The following LARS1 variants were observed in gnomAD, a reference collection of about 807,000 sequenced individuals.
LARS1 encodes the protein leucyl-tRNA synthetase 1, also known as leucine--tRNA ligase, cytoplasmic.
Under a neutral mutation model 162.8 loss-of-function variants are expected in LARS1, and 100 were observed. That is an observed-to-expected ratio of 0.61 (90% CI 0.52 to 0.73). The LOEUF is 0.73. LARS1 is among the 30% of genes least tolerant of loss of function. The pLI is 0.00. For synonymous variants in LARS1, 457 were observed against 462.8 expected, an observed-to-expected ratio of 0.99 and a Z score of 0.16; for missense variants, 1,258 against 1,408.9, an observed-to-expected ratio of 0.89 and a Z score of 1.71.
chr5:146,180,681 T>C (rs1360907809), intron 1 of LARS1, among the ~76,000 whole-genome samples: 1 of 152,200 alleles, frequency 6.6e-6, no homozygotes, highest in Non-Finnish European at 1.5e-5. Context: ...GAAAAACTTG[T>C]TTCTCAAAAC....
Position 146,157,746 on chromosome 5 carries a change from G to A in LARS1, c.821C>T (p.Pro274Leu), listed in dbSNP as rs1377767326. The A allele has an allele frequency of 1.9e-6, 3 of 1,614,102 alleles. No individual in the cohort carries two copies. Among genetic ancestry groups the A allele is most frequent in the Non-Finnish European group, 2.5e-6 (3 of 1,179,994 alleles). ...AACCTACCTTAATTTAGATGGGTAT[G>A]GCTCAAGCACCTTCAATTTGAGTAA... ...YTLLKLKVLEPYPSKLSGLKG... is the reference protein window; with the variant it reads ...YTLLKLKVLELYPSKLSGLKG... Residue 274 changes from proline (P) to leucine (L), a missense_variant, in exon 9 of 32, where the codon CCA (proline) becomes CTA (leucine). Physicochemically the swap from Pro to Leu is moderately conservative, Grantham distance 98 (BLOSUM62 -3). Transcript: ENST00000394434.
intron 2 of LARS1, among the ~76,000 whole-genome samples, chr5:146,173,196 C>T (rs1423286097): frequency 6.6e-6 from 1 of 151,816 alleles, no homozygotes; most frequent in Non-Finnish European, 1.5e-5. Context: ...AAAAACTAGC[C>T]GGGCGTGATG....
intron 31 of LARS1, among the ~76,000 whole-genome samples, chr5:146,118,886 A>T (rs1751688057): frequency 1.3e-5 from 2 of 152,230 alleles, no homozygotes; most frequent in African/African-American, 4.8e-5. Flanking sequence ...ATTTTACCAC[A>T]ATTAAAAAAT....
intron 20 of LARS1, 90 bp from the exon 21 acceptor site, chr5:146,140,351 T>G: frequency 1.0e-6 from 1 of 959,608 alleles, no homozygotes; most frequent in Non-Finnish European, 1.7e-6. Context: ...AATAGACTCA[T>G]AAAGGCTTGC....
chr5:146,155,953 G>A (rs1387704321), intron 10 of LARS1, among the ~76,000 whole-genome samples: 1 of 152,174 alleles, frequency 6.6e-6, no homozygotes, highest in African/African-American at 2.4e-5. Flanking sequence ...GTAAATTGTG[G>A]TACAACCAAA....
In LARS1 at chr5:146,137,855, G is replaced by A. The variant is rs939586719; in HGVS notation, c.2149-2191C>T. ...AAATTGAAGGTGTTAGCTGGGCATGGTGGCTCACATCTGCAATCCCAGCAC... is the reference window on the plus strand; with the variant it reads ...AAATTGAAGGTGTTAGCTGGGCATGATGGCTCACATCTGCAATCCCAGCAC... On this transcript the variant is annotated intron_variant, in intron 21 of 31. Coordinates refer to ENST00000394434, the MANE Select transcript of LARS1 (RefSeq NM_020117.11). 2.5e-5 allele frequency: 6 copies of A among 239,172 alleles called. No individual in the cohort carries two copies. In the South Asian group the frequency reaches 2.6e-4, roughly 10 times the overall value. The allele number at this position is 239,172 out of a possible 1,614,324, so 14.8% of individuals were successfully genotyped here. A position where few individuals can be genotyped will look rare whatever the true frequency, so the allele number is the denominator to read the frequency against.
intron 5 of LARS1, among the ~76,000 whole-genome samples, 185 bp from the exon 6 acceptor site, chr5:146,164,656 A>G (rs1028855726): frequency 6.6e-6 from 1 of 152,220 alleles, no homozygotes; most frequent in African/African-American, 2.4e-5. Flanking sequence ...AATAGTACTA[A>G]TTTAGTCTGT....
At chr5:146,145,129 G>C (rs2895650) in intron 15 of LARS1, among the ~76,000 whole-genome samples, 33,847 of 151,944 alleles carry the variant, frequency 0.22, 4,830 homozygotes, top group Admixed American at 0.34. Context: ...CCAGGCTGGA[G>C]CGCAGTGGCA....
chr5:146,162,293 C>A (rs963439306), intron 6 of LARS1, among the ~76,000 whole-genome samples: 3 of 152,154 alleles, frequency 2.0e-5, no homozygotes, highest in African/African-American at 7.2e-5. Flanking sequence ...CAAATGACTC[C>A]TTGATTCATG....
chr5:146,177,593 C>A lies in LARS1; in HGVS notation c.79G>T (p.Glu27Ter). ...GATGCATTGACCTCAAACACTCTCT[C>A]AGTATCCCATTTCTGTTGGATTTCT... ...EKEIQQKWDT[E>*]RVFEVNASNL... Residue 27 changes from glutamate (E) to a stop codon, truncating the protein, a stop_gained, in exon 2 of 32, where the codon GAG becomes TAG. Coordinates refer to ENST00000394434, the MANE Select transcript of LARS1 (RefSeq NM_020117.11). LOFTEE classifies it high-confidence loss of function. The A allele has an allele frequency of 6.2e-7, 1 of 1,604,450 alleles. No individual in the cohort carries two copies. The highest frequency in any genetic ancestry group is 8.5e-7 in the Non-Finnish European group (1 of 1,174,002).
chr5:146,154,578 G>C (rs1020427872), intron 10 of LARS1, among the ~76,000 whole-genome samples: 8 of 152,166 alleles, frequency 5.3e-5, no homozygotes, highest in African/African-American at 7.2e-5. Context: ...AGGAGTTCGC[G>C]ACCAGCCTGG....
At chr5:146,175,540 CA>C (rs869050326) in intron 2 of LARS1, among the ~76,000 whole-genome samples, 21,493 of 64,408 alleles carry the variant, frequency 0.33, 1,622 homozygotes, top group Admixed American at 0.42. Flanking sequence ...GACTCCACCT[CA>C]AAAAAAAAAA....
chr5:146,120,908 G>A (rs1468829761), intron 30 of LARS1, among the ~76,000 whole-genome samples: 26 of 152,060 alleles, frequency 1.7e-4, no homozygotes. Context: ...ATCAGCACAA[G>A]GTCACACAGC....
intron 15 of LARS1, among the ~76,000 whole-genome samples, chr5:146,148,590 A>G (rs1753122052): frequency 6.6e-6 from 1 of 152,228 alleles, no homozygotes; most frequent in Non-Finnish European, 1.5e-5. Flanking sequence ...TTATAACTAC[A>G]GTGTACGGAG....
intron 31 of LARS1, among the ~76,000 whole-genome samples, chr5:146,119,240 A>G (rs1181007228): frequency 6.6e-6 from 1 of 152,176 alleles, no homozygotes; most frequent in East Asian, 1.9e-4. Flanking sequence ...TGGACTCCCC[A>G]AAGCCCCAGT....
chr5:146,169,433 C>T (rs1395080914), intron 4 of LARS1, among the ~76,000 whole-genome samples: 1 of 152,064 alleles, frequency 6.6e-6, no homozygotes, highest in East Asian at 1.9e-4. Flanking sequence ...ATTTCAACCA[C>T]TAATAGAATA....
intron 20 of LARS1, among the ~76,000 whole-genome samples, chr5:146,140,478 G>C (rs1016206161): frequency 3.9e-5 from 6 of 152,162 alleles, no homozygotes; most frequent in African/African-American, 1.4e-4. Flanking sequence ...AACTACTTAG[G>C]TGGGGCTACA....
At chr5:146,170,453 G>C (rs1754209770) in intron 4 of LARS1, among the ~76,000 whole-genome samples, 1 of 148,872 alleles carries the variant, frequency 6.7e-6, no homozygotes, top group African/African-American at 2.5e-5. Context: ...CTGAGTGACA[G>C]AGCAAGATTC....
intron 31 of LARS1, among the ~76,000 whole-genome samples, chr5:146,118,638 C>A (rs1275693891): frequency 6.6e-6 from 1 of 152,044 alleles, no homozygotes; most frequent in Non-Finnish European, 1.5e-5. Context: ...TAAATATGTA[C>A]ATTTATCTGT....
Sources: gnomAD v4.1 joint callset for allele counts (sites outside exome capture counted in the v4.1 genomes callset) on GRCh38, gnomAD v4.1.1 for gene constraint, MANE v1.5 for transcripts, NCBI Gene and HGNC (gene_info 2026-07-23, HGNC 2026-07-21) for gene names.